The following PCGF2 variants were observed in gnomAD, a reference collection of about 807,000 sequenced individuals.
PCGF2 encodes the protein polycomb group ring finger 2, also known as polycomb group RING finger protein 2.
A neutral mutation model predicts 36.1 loss-of-function variants in PCGF2; 8 were observed. The observed-to-expected ratio is 0.22, with a 90% confidence interval of 0.13 to 0.40. The LOEUF (loss-of-function observed/expected upper bound fraction) is 0.40. PCGF2 is among the 10% of genes least tolerant of loss of function. PCGF2 has a pLI of 1.00. For synonymous variants in PCGF2, 198 were observed against 191.2 expected (o/e 1.04, Z -0.29); for missense variants, 436 against 475.9 (o/e 0.92, Z 0.78).
chr17:38,736,008 C>T (rs1376309344), intron 10 of PCGF2, 82 bp downstream of exon 10: 2 of 927,664 alleles, frequency 2.2e-6, no homozygotes, highest in Middle Eastern at 2.1e-4. Context: ...TCTCTGATTA[C>T]AGAAGGGTGG....
Position 38,737,844 on chromosome 17 carries a change from G to A in PCGF2, c.576+509C>T, listed in dbSNP as rs974060151. Among the ~76,000 whole-genome samples, 6 of 151,344 alleles carry A rather than the reference G, an allele frequency of 4.0e-5. No homozygotes were observed. In the East Asian group the frequency reaches 9.7e-4, roughly 24 times the overall value. ...GGAGAATCGCTTGAATCCGGTAGGC[G>A]GAGGTTGCAGTGAGCCGAGATCGCT... On this transcript the variant is annotated intron_variant, in intron 9 of 10. Transcript: ENST00000620225.
At position 38,738,882 on chromosome 17, in the gene PCGF2, C is replaced by T. The variant is rs763189159; in HGVS notation, c.317-21G>A. ...GGGGACTGCAGAAGGAAAGAGCTCT[C>T]GGGTTGGCGGAGGATGTAGGAAGGG... On this transcript the variant is annotated intron_variant, in intron 6 of 10. Coordinates refer to ENST00000620225, the MANE Select transcript of PCGF2 (RefSeq NM_007144.3). 2.4e-5 allele frequency: 39 copies of T among 1,603,676 alleles called. No individual in the cohort carries two copies. In the South Asian group the frequency reaches 2.8e-4, roughly 11 times the overall value.
intron 2 of PCGF2, among the ~76,000 whole-genome samples, chr17:38,741,239 C>G (rs1907185459): frequency 6.6e-6 from 1 of 151,724 alleles, no homozygotes; most frequent in Non-Finnish European, 1.5e-5. Context: ...CCACTGCACT[C>G]AAGCCTGGGC....
At chr17:38,737,191 G>A (rs886167442) in intron 9 of PCGF2, among the ~76,000 whole-genome samples, 1 of 152,058 alleles carries the variant, frequency 6.6e-6, no homozygotes, top group Non-Finnish European at 1.5e-5. Context: ...GGCTAGGTGC[G>A]GTGGCTCACA....
intron 2 of PCGF2, among the ~76,000 whole-genome samples, chr17:38,742,379 AC>A (rs1275711490): frequency 3.3e-5 from 5 of 152,126 alleles, no homozygotes; most frequent in Non-Finnish European, 5.9e-5. Context: ...TTCTATAGAG[AC>A]CCCAGGATGA....
In PCGF2 at chr17:38,739,532, G is replaced by C; in HGVS notation, c.209+54C>G. 7.4e-7 allele frequency: 1 copy of C among 1,358,026 alleles called. No homozygotes were observed. 84.1% of individuals were successfully genotyped at this position (1,358,026 alleles called of 1,614,324 possible). On this transcript the variant is annotated intron_variant, in intron 4 of 10. Coordinates refer to ENST00000620225, the MANE Select transcript of PCGF2 (RefSeq NM_007144.3). The surrounding 1 kb of genome is among the most constrained non-coding windows in gnomAD (Gnocchi z 4.0). The stretch of plus-strand genomic sequence containing the variant: ...AGGAAGCACGGAGCGTGGGAGGGAT[G>C]GGGGAGGCTGACCCAGAGGATCGCG...
chr17:38,736,191 A>C, intron 9 of PCGF2, 21 bp from the exon 10 acceptor site: 1 of 1,533,312 alleles, frequency 6.5e-7, no homozygotes, highest in African/African-American at 1.4e-5. Flanking sequence ...GAAGCGGAGG[A>C]CACCATGACC....
At chr17:38,740,538 T>C (rs1907125081) in intron 2 of PCGF2, 96 bp from the exon 3 acceptor site, 3 of 802,300 alleles carry the variant, frequency 3.7e-6, no homozygotes, top group African/African-American at 1.8e-5. Flanking sequence ...GGCGGGCGGA[T>C]CACGAGGTCA....
At chr17:38,735,730 G>T in intron 10 of PCGF2, 130 bp from the exon 11 acceptor site, 1 of 1,243,620 alleles carries the variant, frequency 8.0e-7, no homozygotes, top group Non-Finnish European at 1.1e-6. Context: ...GGGCCTTGGA[G>T]AGGAGAGAGA....
At chr17:38,740,242 T>C (rs1245196050) in intron 3 of PCGF2, 49 bp downstream of exon 3, 1 of 1,548,634 alleles carries the variant, frequency 6.5e-7, no homozygotes, top group East Asian at 2.2e-5. Flanking sequence ...CGCCCCAATC[T>C]GGGCACAGAG....
rs1714085338 is a variant in PCGF2, at chr17:38,735,259, C to G, written c.999G>C (p.Met333Ile). ...GGGGCACGGGAGCGCCGTTGACAGT[C>G]ATCTTGCGCCCCCTGCTGGTGGAGG... Reference protein sequence around the residue: ...TPSSTSRGRKMTVNGAPVPPL... With the variant: ...TPSSTSRGRKITVNGAPVPPL... Residue 333 changes from methionine to isoleucine, a missense_variant, in exon 11 of 11, where the codon ATG (methionine) becomes ATC (isoleucine). Coordinates refer to ENST00000620225, the MANE Select transcript of PCGF2 (RefSeq NM_007144.3). 4.8e-6 allele frequency: 7 copies of G among 1,462,768 alleles called. No individual in the cohort carries two copies. The highest frequency in any genetic ancestry group is 6.4e-6 in the Non-Finnish European group (7 of 1,096,870). The allele number at this position is 1,462,768 out of a possible 1,614,324, so 90.6% of individuals were successfully genotyped here.
At chr17:38,736,573 G>A (rs1461795086) in intron 9 of PCGF2, among the ~76,000 whole-genome samples, 2 of 152,180 alleles carry the variant, frequency 1.3e-5, no homozygotes, top group Non-Finnish European at 2.9e-5. Flanking sequence ...GGTGGCTCAT[G>A]CCTGTAATCC....
rs1057268123 is a variant in PCGF2, at chr17:38,747,564, G to A, written c.-41+315C>T. On this transcript the variant is annotated intron_variant, in intron 2 of 10. Coordinates refer to ENST00000620225, the MANE Select transcript of PCGF2 (RefSeq NM_007144.3). ...AGGCTCTGCTGAGGTGGTTCGGGGA[G>A]GGGGCGGGGCGCCGGCGCCGGGACG... Among the ~76,000 whole-genome samples the A allele has an allele frequency of 5.3e-5, 8 of 152,186 alleles. No individual in the cohort carries two copies. The South Asian group carries it at 1.2e-3, about 24-fold the overall frequency.
upstream of PCGF2, among the ~76,000 whole-genome samples, chr17:38,749,131 T>A (rs887240384): frequency 6.6e-6 from 1 of 152,042 alleles, no homozygotes; most frequent in African/African-American, 2.4e-5. The surrounding 1 kb of genome is among the most constrained non-coding windows in gnomAD (Gnocchi z 6.5). Flanking sequence ...AGGCTCCGGG[T>A]CTGGGACACA....
At position 38,734,946 on chromosome 17, in the gene PCGF2, AC is replaced by A. The variant is rs138572530; in HGVS notation, c.*276del. The A allele has an allele frequency of 2.8e-3, 694 of 251,338 alleles. 6 individuals are homozygous for A. Among genetic ancestry groups the A allele is most frequent in the African/African-American group, 0.014 (628 of 43,328 alleles). The allele number at this position is 251,338 out of a possible 1,614,324, so 15.6% of individuals were successfully genotyped here. A position where few individuals can be genotyped will look rare whatever the true frequency, so the allele number is the denominator to read the frequency against. On this transcript the variant is annotated 3_prime_UTR_variant, in exon 11 of 11. Transcript: ENST00000620225. The stretch of plus-strand genomic sequence containing the variant: ...CCCCAAAAACAGCAAATTACACAAG[AC>A]CCCCCCCAAAAAAAATGAACACCAT...
intron 9 of PCGF2, 63 bp from the exon 10 acceptor site, chr17:38,736,233 TG>T: frequency 3.0e-6 from 3 of 1,006,842 alleles, no homozygotes; most frequent in Non-Finnish European, 4.6e-6. Context: ...GCTGGGAATG[TG>T]GGGGACTGGG....
At chr17:38,748,699 G>T (rs1014889259), upstream of PCGF2, among the ~76,000 whole-genome samples, 1 of 152,178 alleles carries the variant, frequency 6.6e-6, no homozygotes, top group African/African-American at 2.4e-5. Flanking sequence ...CCTAACTGGG[G>T]CGCCTGGAAA....
At chr17:38,737,306 T>C (rs537038602) in intron 9 of PCGF2, among the ~76,000 whole-genome samples, 2 of 151,486 alleles carry the variant, frequency 1.3e-5, no homozygotes, top group East Asian at 3.9e-4. Context: ...ATACTGAAAG[T>C]ACAAAAATTA....
chr17:38,738,910 CCCG>C, intron 6 of PCGF2, 49 bp from the exon 7 acceptor site: 1 of 1,556,428 alleles, frequency 6.4e-7, no homozygotes, highest in Non-Finnish European at 8.9e-7. Context: ...AGGAAGGGAG[CCCG>C]CCAAGGACCC....
Sources: gnomAD v4.1 joint callset for allele counts (sites outside exome capture counted in the v4.1 genomes callset) on GRCh38, gnomAD v4.1.1 for gene constraint, Gnocchi (gnomAD v3.1) non-coding constraint, MANE v1.5 for transcripts, NCBI Gene and HGNC (gene_info 2026-07-23, HGNC 2026-07-21) for gene names.